The following CTNNA2 variants were observed in gnomAD, a reference collection of about 807,000 sequenced individuals.
CTNNA2 encodes catenin alpha-2.
In CTNNA2, 42 loss-of-function variants were observed where a neutral mutation model predicts 101.0. That is an observed-to-expected ratio of 0.42 (90% CI 0.32 to 0.54). CTNNA2 has a LOEUF of 0.54. Among genes scored for constraint, CTNNA2 ranks in the 20% least tolerant of loss-of-function variants. CTNNA2 has a pLI of 0.14. For synonymous variants in CTNNA2, 450 were observed against 456.4 expected (o/e 0.99, Z 0.18); for missense variants, 871 against 1,223.1 (o/e 0.71, Z 4.29).
chr2:79,224,053 A>G (rs781456996), intron 2 of CTNNA2, among the ~76,000 whole-genome samples: 3 of 152,210 alleles, frequency 2.0e-5, no homozygotes, highest in Non-Finnish European at 4.4e-5. Context: ...TACATTTCTG[A>G]TCTGAAAGTT....
intron 7 of CTNNA2, among the ~76,000 whole-genome samples, chr2:80,334,885 C>T (rs745957929): frequency 3.9e-5 from 6 of 152,182 alleles, no homozygotes; most frequent in South Asian, 2.1e-4. Flanking sequence ...CAGATCAGCA[C>T]GTGAGAATAT....
At chr2:79,341,758 T>C (rs1006366149) in intron 3 of CTNNA2, among the ~76,000 whole-genome samples, 1 of 152,222 alleles carries the variant, frequency 6.6e-6, no homozygotes, top group African/African-American at 2.4e-5. Context: ...TCTCCCATAA[T>C]AACCCATTGA....
In CTNNA2 at chr2:79,541,427, C is replaced by CATAT. The variant is rs9284785; in HGVS notation, c.-6+28248_-6+28251dup. Among the ~76,000 whole-genome samples, 822 of 142,670 alleles carry CATAT rather than the reference C, an allele frequency of 5.8e-3. 2 individuals are homozygous for CATAT. The highest frequency in any genetic ancestry group is 0.031 in the East Asian group (147 of 4,776). 93.6% of individuals were successfully genotyped at this position (142,670 alleles called of 152,430 possible). Reference sequence around the variant, plus strand: ...ATACACATACACACACGCACACACACATATATATATATATATATATATATA... The same window carrying CATAT: ...ATACACATACACACACGCACACACACATATATATATATATATATATATATATATA... On this transcript the variant is annotated intron_variant, in intron 1 of 18. Coordinates refer to ENST00000402739, the MANE Select transcript of CTNNA2 (RefSeq NM_001282597.3).
intron 7 of CTNNA2, among the ~76,000 whole-genome samples, chr2:80,358,563 C>G (rs1236192003): frequency 6.6e-6 from 1 of 151,902 alleles, no homozygotes; most frequent in Non-Finnish European, 1.5e-5. Context: ...GTTGACCAGG[C>G]TGGTTTTGAA....
chr2:80,204,826 C>CAAA (rs35583561), intron 7 of CTNNA2, among the ~76,000 whole-genome samples: 1 of 136,778 alleles, frequency 7.3e-6, no homozygotes, highest in African/African-American at 2.6e-5. Context: ...GGGCAATTTC[C>CAAA]AAAAAAAAAA....
At chr2:79,707,269 G>T (rs990870364) in intron 2 of CTNNA2, among the ~76,000 whole-genome samples, 1 of 152,046 alleles carries the variant, frequency 6.6e-6, no homozygotes, top group Non-Finnish European at 1.5e-5. Flanking sequence ...AACTAACATG[G>T]TACAAAGGGA....
chr2:80,386,914 C>T (rs1677060494), intron 7 of CTNNA2, among the ~76,000 whole-genome samples: 1 of 152,120 alleles, frequency 6.6e-6, no homozygotes, highest in Admixed American at 6.6e-5. Flanking sequence ...AGCCATGGAT[C>T]CAATGGAAGC....
At chr2:79,518,589 CA>C (rs1420267542) in intron 1 of CTNNA2, among the ~76,000 whole-genome samples, 7 of 152,148 alleles carry the variant, frequency 4.6e-5, no homozygotes, top group African/African-American at 1.7e-4. Flanking sequence ...CCAGAAACCA[CA>C]AGGACTCCAG....
At chr2:80,595,616 A>T (rs216639) in intron 15 of CTNNA2, among the ~76,000 whole-genome samples, 4,250 of 152,248 alleles carry the variant, frequency 0.028, 97 homozygotes, top group Middle Eastern at 0.048. Context: ...GGGTTTTAAA[A>T]TTTTCATTAA....
chr2:79,453,140 T>A (rs1299752157), intron 4 of CTNNA2, among the ~76,000 whole-genome samples: 1 of 152,154 alleles, frequency 6.6e-6, no homozygotes, highest in African/African-American at 2.4e-5. Flanking sequence ...ATATCAGCTA[T>A]GTTTCAGGAA....
intron 2 of CTNNA2, among the ~76,000 whole-genome samples, chr2:79,277,000 T>C (rs1035564958): frequency 1.7e-4 from 26 of 152,068 alleles, no homozygotes; most frequent in Non-Finnish European, 3.7e-4. Context: ...ATTTTACATG[T>C]CTAGAGTAAG....
chr2:79,563,161 G>GTGTATATA (rs1280707294), intron 1 of CTNNA2, among the ~76,000 whole-genome samples: 5 of 78,614 alleles, frequency 6.4e-5, no homozygotes, highest in East Asian at 4.1e-4. Flanking sequence ...ATAAAGATGT[G>GTGTATATA]TATATATATA....
intron 12 of CTNNA2, among the ~76,000 whole-genome samples, chr2:80,566,737 A>C (rs1694097601): frequency 6.6e-6 from 1 of 152,168 alleles, no homozygotes; most frequent in Admixed American, 6.5e-5. Context: ...GTTGGAGTCA[A>C]AGAGAACAGA....
intron 7 of CTNNA2, among the ~76,000 whole-genome samples, chr2:80,138,403 G>A (rs901082214): frequency 6.6e-6 from 1 of 152,152 alleles, no homozygotes; most frequent in Admixed American, 6.6e-5. Flanking sequence ...GCTAAATGGA[G>A]AGTATTGTAA....
intron 2 of CTNNA2, among the ~76,000 whole-genome samples, chr2:79,307,172 G>A (rs1019185953): frequency 1.3e-5 from 2 of 152,104 alleles, no homozygotes; most frequent in East Asian, 1.9e-4. Flanking sequence ...TACATATAAT[G>A]TATAGGGATC....
chr2:80,027,093 A>G (rs1172545758), intron 7 of CTNNA2, among the ~76,000 whole-genome samples: 1 of 152,216 alleles, frequency 6.6e-6, no homozygotes, highest in East Asian at 1.9e-4. Context: ...TGATATAAAG[A>G]CAATCAAAGC....
intron 9 of CTNNA2, among the ~76,000 whole-genome samples, chr2:80,511,323 C>T (rs764541408): frequency 4.6e-5 from 7 of 152,184 alleles, no homozygotes; most frequent in African/African-American, 1.2e-4. Flanking sequence ...ATCAGTGTTA[C>T]GGTTTGAAGC....
At chr2:80,252,259 A>G (rs1255208624) in intron 7 of CTNNA2, among the ~76,000 whole-genome samples, 1 of 152,180 alleles carries the variant, frequency 6.6e-6, no homozygotes, top group East Asian at 1.9e-4. Flanking sequence ...ACTGCTCAAT[A>G]AATATTTTCT....
intron 7 of CTNNA2, among the ~76,000 whole-genome samples, chr2:80,236,102 G>A (rs1280997449): frequency 6.6e-6 from 1 of 152,090 alleles, no homozygotes; most frequent in Non-Finnish European, 1.5e-5. Flanking sequence ...AGGGATAATG[G>A]CCTCCAGCTC....
Sources: gnomAD v4.1 joint callset for allele counts (sites outside exome capture counted in the v4.1 genomes callset) on GRCh38, gnomAD v4.1.1 for gene constraint, MANE v1.5 for transcripts, NCBI Gene and HGNC (gene_info 2026-07-23, HGNC 2026-07-21) for gene names.